WWOX: variants seen among roughly 807,000 people sequenced by gnomAD.
WWOX encodes the protein WW domain-containing oxidoreductase.
In WWOX, 69 loss-of-function variants were observed where a neutral mutation model predicts 46.2. The ratio of observed to expected loss-of-function variants is 1.49; its 90% CI spans 1.23 to 1.82. WWOX has a LOEUF of 1.82. WWOX is among the 40% of genes most tolerant of loss of function. WWOX has a pLI of 0.00. For missense variants in WWOX, 919 were observed against 542.6 expected, an observed-to-expected ratio of 1.69 and a Z score of -6.89; for synonymous variants, 359 against 202.6, an observed-to-expected ratio of 1.77 and a Z score of -6.56.
At chr16:78,124,130 G>T (rs1034709104) in intron 4 of WWOX, 3 of 151,682 alleles carry the variant, frequency 2.0e-5, no homozygotes, top group African/African-American at 7.3e-5. Flanking sequence ...TTTTAAATGG[G>T]GACAAAAACG....
chr16:79,006,720 G>A (rs764631520), intron 8 of WWOX, among the ~76,000 whole-genome samples: 5 of 152,114 alleles, frequency 3.3e-5, no homozygotes, highest in Non-Finnish European at 7.4e-5. Flanking sequence ...GCCCTAGAGG[G>A]CAGCTTGTAC....
At chr16:78,655,745 A>G (rs1008215841) in intron 8 of WWOX, among the ~76,000 whole-genome samples, 1 of 152,118 alleles carries the variant, frequency 6.6e-6, no homozygotes, top group Admixed American at 6.6e-5. Context: ...GAATTTTCTG[A>G]TATGTTCTTC....
intron 8 of WWOX, among the ~76,000 whole-genome samples, chr16:78,639,512 G>A (rs761404612): frequency 1.1e-4 from 16 of 152,092 alleles, no homozygotes; most frequent in Non-Finnish European, 2.1e-4. Flanking sequence ...GGGAGGACCT[G>A]GTGGTGGGTG....
chr16:79,167,558 G>A (rs1176875253), intron 8 of WWOX, among the ~76,000 whole-genome samples: 1 of 152,082 alleles, frequency 6.6e-6, no homozygotes, highest in East Asian at 1.9e-4. Context: ...AATGCTCCAT[G>A]GCCTCCACGC....
intron 8 of WWOX, among the ~76,000 whole-genome samples, chr16:78,638,157 G>A (rs2046619510): frequency 6.6e-6 from 1 of 152,048 alleles, no homozygotes; most frequent in African/African-American, 2.4e-5. Context: ...GTTTCCCATG[G>A]CAATTATTTT....
intron 8 of WWOX, among the ~76,000 whole-genome samples, chr16:78,789,506 G>C (rs1445560640): frequency 6.6e-6 from 1 of 152,110 alleles, no homozygotes; most frequent in Non-Finnish European, 1.5e-5. Context: ...CCATTGATCT[G>C]TATGCCTGTC....
At chr16:78,879,393 C>G (rs2044296802) in intron 8 of WWOX, among the ~76,000 whole-genome samples, 1 of 152,008 alleles carries the variant, frequency 6.6e-6, no homozygotes, top group Admixed American at 6.6e-5. Flanking sequence ...TTCAAATTCC[C>G]AATTAGTTTC....
At chr16:78,751,696 A>G (rs1364593080) in intron 8 of WWOX, among the ~76,000 whole-genome samples, 1 of 151,586 alleles carries the variant, frequency 6.6e-6, no homozygotes, top group African/African-American at 2.4e-5. Flanking sequence ...AAAAATACGT[A>G]GGTTCAGTTC....
At chr16:78,656,719 C>G (rs2047089312) in intron 8 of WWOX, among the ~76,000 whole-genome samples, 1 of 152,132 alleles carries the variant, frequency 6.6e-6, no homozygotes, top group Non-Finnish European at 1.5e-5. Flanking sequence ...ATATCGGCAC[C>G]CACTGAGCAC....
intron 8 of WWOX, among the ~76,000 whole-genome samples, chr16:79,193,067 G>C (rs1042378984): frequency 1.3e-5 from 2 of 152,274 alleles, no homozygotes; most frequent in Middle Eastern, 6.8e-3. Context: ...AATTCTCTAC[G>C]ATCTTTGACC....
intron 8 of WWOX, among the ~76,000 whole-genome samples, chr16:79,037,322 G>A (rs2047887528): frequency 6.6e-6 from 1 of 152,162 alleles, no homozygotes; most frequent in Admixed American, 6.5e-5. Context: ...AAACCAGAAT[G>A]GTTTTGATTC....
intron 8 of WWOX, among the ~76,000 whole-genome samples, chr16:79,064,542 A>T (rs1380490470): frequency 6.6e-6 from 1 of 152,238 alleles, no homozygotes; most frequent in South Asian, 2.1e-4. Flanking sequence ...GAGCATCTTC[A>T]GGAGCTGTTT....
At chr16:78,865,081 A>G (rs759199528) in intron 8 of WWOX, among the ~76,000 whole-genome samples, 2 of 151,990 alleles carry the variant, frequency 1.3e-5, no homozygotes, top group Non-Finnish European at 2.9e-5. Flanking sequence ...CCATTTTTTA[A>G]AGTTAGTGCT....
intron 8 of WWOX, among the ~76,000 whole-genome samples, chr16:78,467,355 A>T (rs2738673): frequency 2.0e-5 from 3 of 151,934 alleles, no homozygotes; most frequent in South Asian, 4.1e-4. Context: ...ATTTTAAGGA[A>T]AGAATTATAA....
chr16:79,010,474 A>T (rs1177068775), intron 8 of WWOX, among the ~76,000 whole-genome samples: 1 of 152,158 alleles, frequency 6.6e-6, no homozygotes, highest in Non-Finnish European at 1.5e-5. Flanking sequence ...TCCACAGGTG[A>T]TGGCGGGACA....
chr16:79,159,528 A>G (rs1345580747), intron 8 of WWOX, among the ~76,000 whole-genome samples: 2 of 152,122 alleles, frequency 1.3e-5, no homozygotes, highest in Non-Finnish European at 2.9e-5. Flanking sequence ...CTTGTACACA[A>G]GACCAGGGCA....
intron 8 of WWOX, among the ~76,000 whole-genome samples, chr16:79,036,084 T>C (rs556884179): frequency 1.3e-5 from 2 of 152,356 alleles, no homozygotes; most frequent in South Asian, 4.1e-4. Flanking sequence ...GTTTTCCTGC[T>C]CTCTCCATTT....
chr16:78,989,515 A>G (rs1597244441), intron 8 of WWOX, among the ~76,000 whole-genome samples: 1 of 152,286 alleles, frequency 6.6e-6, no homozygotes, highest in African/African-American at 2.4e-5. Context: ...AGTCAAAGGT[A>G]GTGGGGCCAG....
chr16:78,881,705 A>G (rs2044346722), intron 8 of WWOX, among the ~76,000 whole-genome samples: 1 of 152,222 alleles, frequency 6.6e-6, no homozygotes. Flanking sequence ...CTCACCATTA[A>G]TCACTTAAGA....
Sources: gnomAD v4.1 joint callset for allele counts (sites outside exome capture counted in the v4.1 genomes callset) on GRCh38, gnomAD v4.1.1 for gene constraint, MANE v1.5 for transcripts, NCBI Gene and HGNC (gene_info 2026-07-23, HGNC 2026-07-21) for gene names.